Variants in CFAP92 observed in about 807,000 individuals in gnomAD.
CFAP92 encodes the protein uncharacterized protein CFAP92.
CFAP92 carries 86 observed loss-of-function variants against 106.3 expected under a neutral mutation model. That is an observed-to-expected ratio of 0.81 (90% CI 0.68 to 0.97). The LOEUF is 0.97. Among genes scored for constraint, CFAP92 ranks in the 50% least tolerant of loss-of-function variants. The pLI, the probability that CFAP92 is intolerant of heterozygous loss-of-function variation, is 0.00. For missense variants in CFAP92, 1,204 were observed against 1,283.8 expected, an observed-to-expected ratio of 0.94 and a Z score of 0.95; for synonymous variants, 477 against 506.4, an observed-to-expected ratio of 0.94 and a Z score of 0.78.
Position 128,922,678 on chromosome 3 carries a change from C to G in CFAP92, c.2752-6407G>C, listed in dbSNP as rs1321289644. ...TCCATGGGTATCACTGGCATAGGGC[C>G]TGCTTCAGAAGTTTTTCAAAGTTCC... On this transcript the variant is annotated intron_variant, in intron 12 of 15. Coordinates refer to ENST00000645291, the MANE Select transcript of CFAP92 (RefSeq NM_001394090.1). Among the ~76,000 whole-genome samples the G allele has an allele frequency of 5.3e-5, 8 of 152,334 alleles. No homozygotes were observed. The East Asian group carries it at 1.5e-3, about 29-fold the overall frequency.
intron 12 of CFAP92, among the ~76,000 whole-genome samples, chr3:128,924,532 T>TGC (rs1937533611): frequency 7.1e-6 from 1 of 140,538 alleles, no homozygotes; most frequent in African/African-American, 2.6e-5. Context: ...GCAACCTCCA[T>TGC]CCCCTGGGTT....
chr3:128,978,240 G>T, intron 4 of CFAP92, 55 bp from the exon 5 acceptor site: 1 of 1,577,280 alleles, frequency 6.3e-7, no homozygotes, highest in Non-Finnish European at 8.6e-7. Flanking sequence ...AATATTTATT[G>T]AATTAACTAC....
At chr3:129,004,175 T>C (rs980945988), upstream of CFAP92, 1 of 1,302,966 alleles carries the variant, frequency 7.7e-7, no homozygotes, top group African/African-American at 1.6e-5. Flanking sequence ...GCTCTCGTGT[T>C]CCGCAGTTTC....
upstream of CFAP92, among the ~76,000 whole-genome samples, chr3:128,995,621 CTGGT>C (rs923778019): frequency 6.6e-6 from 1 of 152,204 alleles, no homozygotes; most frequent in Non-Finnish European, 1.5e-5. Context: ...TGGCCTGAGG[CTGGT>C]TTCCCTCCAA....
intron 10 of CFAP92, among the ~76,000 whole-genome samples, chr3:128,936,512 G>A (rs1050316089): frequency 2.6e-5 from 4 of 152,084 alleles, no homozygotes; most frequent in African/African-American, 4.8e-5. Context: ...GTCGACAGGC[G>A]GGGAGAAAGC....
chr3:129,001,917 G>A (rs1270552705), intron 1 of CFAP92: 2 of 1,538,912 alleles, frequency 1.3e-6, no homozygotes, highest in South Asian at 1.2e-5. Flanking sequence ...CACCACGGCC[G>A]GGCAGGCAGC....
At chr3:128,930,699 C>T (rs940074086) in intron 12 of CFAP92, among the ~76,000 whole-genome samples, 2 of 151,894 alleles carry the variant, frequency 1.3e-5, no homozygotes, top group African/African-American at 2.4e-5. Flanking sequence ...CGCAGTGAGC[C>T]GAGATCACGC....
chr3:129,002,409 CAG>C (rs1944833184), intron 1 of CFAP92: 3 of 1,438,402 alleles, frequency 2.1e-6, no homozygotes, highest in Non-Finnish European at 2.7e-6. Context: ...CCCGACAGGA[CAG>C]AGTCAGAGGA....
intron 4 of CFAP92, among the ~76,000 whole-genome samples, chr3:128,979,947 AATAT>A (rs375673134): frequency 0.12 from 14,748 of 128,198 alleles, 902 homozygotes; most frequent in South Asian, 0.21. Flanking sequence ...AAAGTATAAT[AATAT>A]ATATATATAT....
At chr3:128,932,619 T>G in intron 12 of CFAP92, 81 bp downstream of exon 12, 1 of 1,355,756 alleles carries the variant, frequency 7.4e-7, no homozygotes, top group Non-Finnish European at 9.8e-7. Flanking sequence ...CACTCAGGAA[T>G]ATGCCCTATG....
intron 8 of CFAP92, 139 bp downstream of exon 8, chr3:128,971,148 T>A: frequency 7.2e-7 from 1 of 1,391,024 alleles, no homozygotes; most frequent in Non-Finnish European, 9.9e-7. Context: ...ATGAAGCCAA[T>A]TCCCCTGAGT....
intron 6 of CFAP92, among the ~76,000 whole-genome samples, chr3:128,976,163 C>G (rs757096366): frequency 6.6e-6 from 1 of 152,080 alleles, no homozygotes; most frequent in Non-Finnish European, 1.5e-5. Context: ...CTAATGCTGA[C>G]ACACTTGGTC....
chr3:129,007,708 C>T, the CFAP92 span, among the ~76,000 whole-genome samples: 27 of 152,288 alleles, frequency 1.8e-4, 1 homozygote, highest in East Asian at 4.8e-3. Context: ...ATTTAGACTG[C>T]GTTGAATTTC....
intron 9 of CFAP92, among the ~76,000 whole-genome samples, chr3:128,963,351 G>A (rs1019366692): frequency 1.3e-5 from 2 of 152,274 alleles, no homozygotes; most frequent in South Asian, 4.1e-4. Context: ...TGCGTGCAGC[G>A]GCTGCCGCTG....
At chr3:128,944,166 G>A (rs774874389) in intron 10 of CFAP92, among the ~76,000 whole-genome samples, 2 of 151,644 alleles carry the variant, frequency 1.3e-5, no homozygotes, top group Non-Finnish European at 2.9e-5. Context: ...CTGGGCTCAA[G>A]TGATTCCAGG....
intron 12 of CFAP92, among the ~76,000 whole-genome samples, chr3:128,930,713 T>A (rs1473183778): frequency 6.6e-6 from 1 of 152,050 alleles, no homozygotes; most frequent in Non-Finnish European, 1.5e-5. Context: ...ATCACGCCAC[T>A]ACACTCGAGC....
rs1460101144 is a variant in CFAP92, at chr3:129,001,717, T to G, written n.117+857A>C. ...CGACCTGCGCGGCGCACGCAGTGGC[T>G]GCTGAGCGCCCTGGCGCACCACTAC... On this transcript the variant is annotated intron_variant and non_coding_transcript_variant, in intron 1 of 4. Coordinates refer to the CFAP92 transcript ENST00000510149. 104 of 1,516,166 alleles carry G rather than the reference T, an allele frequency of 6.9e-5. No individual in the cohort carries two copies. Among genetic ancestry groups the G allele is most frequent in the Non-Finnish European group, 8.5e-5 (97 of 1,134,674 alleles). The allele number at this position is 1,516,166 out of a possible 1,614,324, so 93.9% of individuals were successfully genotyped here.
At chr3:128,916,489 A>G (rs1402981138) in intron 12 of CFAP92, among the ~76,000 whole-genome samples, 3 of 152,224 alleles carry the variant, frequency 2.0e-5, no homozygotes, top group Non-Finnish European at 4.4e-5. Context: ...CAAAAAATTG[A>G]GACCCCTAAG....
At chr3:129,023,639 G>A in the CFAP92 span, among the ~76,000 whole-genome samples, 1 of 152,114 alleles carries the variant, frequency 6.6e-6, no homozygotes, top group East Asian at 1.9e-4. Flanking sequence ...GCCACCTCTT[G>A]ATTCTTAAAT....
Sources: gnomAD v4.1 joint callset for allele counts (sites outside exome capture counted in the v4.1 genomes callset) on GRCh38, gnomAD v4.1.1 for gene constraint, MANE v1.5 for transcripts, NCBI Gene and HGNC (gene_info 2026-07-23, HGNC 2026-07-21) for gene names.